The following TTLL3 variants were observed in gnomAD, a reference collection of about 807,000 sequenced individuals.
TTLL3 encodes tubulin tyrosine ligase like 3.
Under a neutral mutation model 75.2 loss-of-function variants are expected in TTLL3, and 63 were observed. That is an observed-to-expected ratio of 0.84 (90% CI 0.68 to 1.03). The LOEUF (loss-of-function observed/expected upper bound fraction) is 1.03. TTLL3 is among the 50% of genes least tolerant of loss of function. The pLI, the probability that TTLL3 is intolerant of heterozygous loss-of-function variation, is 0.00. For missense variants in TTLL3, 997 were observed against 1,069.9 expected (o/e 0.93, Z 0.95); for synonymous variants, 393 against 418.5 (o/e 0.94, Z 0.74).
At chr3:9,827,614 G>A (rs2081169823) in intron 10 of TTLL3, 1 of 244,902 alleles carries the variant, frequency 4.1e-6, no homozygotes, top group African/African-American at 2.2e-5. Context: ...GCCCAGGTTG[G>A]TCTCAAACTC....
At chr3:9,811,911 A>G (rs2079390381) in intron 2 of TTLL3, among the ~76,000 whole-genome samples, 1 of 152,170 alleles carries the variant, frequency 6.6e-6, no homozygotes, top group Non-Finnish European at 1.5e-5. Context: ...ATGTATTTCT[A>G]AGTAGTTTCT....
At chr3:9,818,713 G>T (rs2080125112) in intron 6 of TTLL3, 109 bp from the exon 7 acceptor site, 2 of 1,582,024 alleles carry the variant, frequency 1.3e-6, no homozygotes, top group Non-Finnish European at 1.7e-6. Context: ...GTCAGAAAAG[G>T]TAGAGTCAGG....
intron 3 of TTLL3, 28 bp from the exon 4 acceptor site, chr3:9,813,220 T>G (rs1165301511): frequency 6.2e-7 from 1 of 1,614,040 alleles, no homozygotes; most frequent in Non-Finnish European, 8.5e-7. Context: ...GAGAGGAAAC[T>G]CATCAGCTCT....
upstream of TTLL3, chr3:9,809,888 C>T (rs2079180449): frequency 1.4e-5 from 9 of 653,892 alleles, no homozygotes; most frequent in Non-Finnish European, 1.9e-5. Flanking sequence ...GCAAACGGGG[C>T]GGGGCTTGGA....
intron 8 of TTLL3, among the ~76,000 whole-genome samples, chr3:9,823,402 G>GTTTTTTTTTTTTTTTT (rs60013146): frequency 8.0e-6 from 1 of 124,996 alleles, no homozygotes; most frequent in Non-Finnish European, 1.6e-5. Flanking sequence ...CAAACAGCCA[G>GTTTTTTTTTTTTTTTT]TTTTTTTTTT....
intron 11 of TTLL3, 48 bp from the exon 12 acceptor site, chr3:9,833,056 T>C (rs1387879900): frequency 6.2e-7 from 1 of 1,607,726 alleles, no homozygotes; most frequent in African/African-American, 1.3e-5. Flanking sequence ...GGCCAAGGAT[T>C]CCAGTACCAC....
At chr3:9,812,065 A>G (rs920525651) in intron 2 of TTLL3, among the ~76,000 whole-genome samples, 2 of 152,332 alleles carry the variant, frequency 1.3e-5, no homozygotes, top group African/African-American at 4.8e-5. Flanking sequence ...TGGAGATAAC[A>G]GTATCTAATA....
At chr3:9,832,332 C>A (rs1428732398) in intron 11 of TTLL3, among the ~76,000 whole-genome samples, 2 of 152,072 alleles carry the variant, frequency 1.3e-5, no homozygotes, top group Non-Finnish European at 2.9e-5. Context: ...AAGTGATCTG[C>A]CAACCTTAGC....
chr3:9,810,169 TC>T, upstream of TTLL3: 1 of 1,471,344 alleles, frequency 6.8e-7, no homozygotes, highest in East Asian at 2.9e-5. The surrounding 1 kb of genome is among the most constrained non-coding windows in gnomAD (Gnocchi z 4.4). Context: ...GGCGCGCCGC[TC>T]CGAGTTCCGT....
Position 9,810,468 on chromosome 3 carries a change from T to G in TTLL3, c.-42+74T>G, listed in dbSNP as rs1189613091. 22 of 1,441,074 alleles carry G rather than the reference T, an allele frequency of 1.5e-5. No individual in the cohort carries two copies. The highest frequency in any genetic ancestry group is 1.8e-5 in the Non-Finnish European group (20 of 1,099,840). The allele number at this position is 1,441,074 out of a possible 1,614,324, so 89.3% of individuals were successfully genotyped here. ...CGACAAGACGCTGGGGTGGAGGGAC[T>G]GGGGGTCGGGAGAAGAGCGGCTGAG... is the stretch of plus-strand genomic sequence containing the variant. On this transcript the variant is annotated intron_variant, in intron 1 of 13. Transcript: ENST00000685419. The surrounding 1 kb of genome is among the most constrained non-coding windows in gnomAD (Gnocchi z 4.4).
intron 6 of TTLL3, 29 bp from the exon 7 acceptor site, chr3:9,818,793 G>A (rs753993735): frequency 6.2e-7 from 1 of 1,613,892 alleles, no homozygotes; most frequent in African/African-American, 1.3e-5. Context: ...CCTAGGGGCT[G>A]AGCAGGGTAT....
In TTLL3 at chr3:9,835,509, G is replaced by T. The variant is rs548885560; in HGVS notation, c.*20G>T. ...GCCTGAGGCCATCAGCAGCTCCTCC[G>T]TGCAGCGAGGCCCAGAATTCCCACC... On this transcript the variant is annotated 3_prime_UTR_variant, in exon 14 of 14. Transcript: ENST00000685419. The T allele has an allele frequency of 5.2e-6, 8 of 1,549,344 alleles. No homozygotes were observed. Among genetic ancestry groups the T allele is most frequent in the African/African-American group, 2.8e-5 (2 of 72,634 alleles).
chr3:9,812,946 A>C lies in TTLL3; in HGVS notation c.52A>C (p.Lys18Gln), dbSNP rs187487302. The change falls in exon 3 of 14, where the codon AAG becomes CAG. Residue 18 changes from lysine (K) to glutamine (Q), a missense_variant. Lys to Gln is a moderately conservative substitution (Grantham distance 53). Coordinates refer to ENST00000685419, the MANE Select transcript of TTLL3 (RefSeq NM_001387446.1). ...GTATCCTTCTCTCACATTGCAGCAG[A>C]AGAAGATCTTTACAATCCAAGGCTG... ...KIYVERAVKQ[K>Q]KIFTIQGCYP... 3.3e-4 allele frequency: 488 copies of C among 1,500,626 alleles called. 2 individuals are homozygous for C. The highest frequency in any genetic ancestry group is 3.0e-3 in the East Asian group (132 of 43,706). The allele number at this position is 1,500,626 out of a possible 1,614,324, so 93.0% of individuals were successfully genotyped here.
At chr3:9,823,499 T>A (rs73811574) in intron 8 of TTLL3, among the ~76,000 whole-genome samples, 1 of 135,394 alleles carries the variant, frequency 7.4e-6, no homozygotes, top group East Asian at 2.1e-4. Flanking sequence ...GTTTTTTTTT[T>A]CTTTTTGCTA....
Position 9,834,666 on chromosome 3 carries a change from C to G in TTLL3, c.1826-15C>G. The stretch of plus-strand genomic sequence containing the variant: ...GCCCCACCCCAGGGCCTCACAGCTT[C>G]TCTTGCTCCCACAGCCCGTCACCAC... On this transcript the variant is annotated splice_polypyrimidine_tract_variant and intron_variant, in intron 12 of 13. Coordinates refer to ENST00000685419, the MANE Select transcript of TTLL3 (RefSeq NM_001387446.1). 2 of 1,613,930 alleles carry G rather than the reference C, an allele frequency of 1.2e-6. No individual in the cohort carries two copies. The highest frequency in any genetic ancestry group is 1.7e-6 in the Non-Finnish European group (2 of 1,179,964).
chr3:9,819,136 C>G (rs753283737), intron 7 of TTLL3: 3 of 595,992 alleles, frequency 5.0e-6, no homozygotes, highest in Non-Finnish European at 8.7e-6. Context: ...TCTACCGATT[C>G]ACCCACCCAC....
intron 2 of TTLL3, among the ~76,000 whole-genome samples, chr3:9,811,994 A>G (rs955803550): frequency 6.6e-5 from 10 of 152,188 alleles, no homozygotes; most frequent in African/African-American, 2.4e-4. Flanking sequence ...TTGCTTAACC[A>G]CTATGGGGCC....
rs772954351 is a variant in TTLL3 at position 9,829,240 on chromosome 3, C to G, written c.1528C>G (p.Leu510Val). 1 of 1,614,226 alleles carries G rather than the reference C, an allele frequency of 6.2e-7. No individual in the cohort carries two copies. Residue 510 changes from leucine (L) to valine (V), a missense_variant, in exon 11 of 14, where the codon CTG (leucine) becomes GTG (valine). By Grantham distance (32) the Leu-to-Val change is conservative. Transcript: ENST00000685419. The part of the protein sequence containing the change: ...FVFGEDFQPW[L>V]IEINASPTMA... ...GTTCGGGGAGGACTTCCAGCCCTGG[C>G]TGATTGAGATCAACGCCAGCCCCAC...
intron 2 of TTLL3, chr3:9,812,714 T>C: frequency 2.4e-6 from 1 of 412,868 alleles, no homozygotes; most frequent in Non-Finnish European, 4.0e-6. Context: ...TAGTAATGCA[T>C]GTAAGTGCTC....
Sources: gnomAD v4.1 joint callset for allele counts (sites outside exome capture counted in the v4.1 genomes callset) on GRCh38, gnomAD v4.1.1 for gene constraint, Gnocchi (gnomAD v3.1) non-coding constraint, MANE v1.5 for transcripts, NCBI Gene and HGNC (gene_info 2026-07-23, HGNC 2026-07-21) for gene names.